The following CMPK1 variants were observed in gnomAD, a reference collection of about 807,000 sequenced individuals.
The protein encoded by CMPK1 is UMP-CMP kinase.
Under a neutral mutation model 25.7 loss-of-function variants are expected in CMPK1, and 10 were observed. That is an observed-to-expected ratio of 0.39 (90% CI 0.24 to 0.66). CMPK1 has a LOEUF of 0.66. Ranked by LOEUF, CMPK1 falls within the 30% of genes least tolerant of loss-of-function variation. CMPK1 has a pLI of 0.48. For missense variants in CMPK1, 199 were observed against 280.5 expected (o/e 0.71, Z 2.08); for synonymous variants, 106 against 101.5 (o/e 1.04, Z -0.27).
intron 1 of CMPK1, among the ~76,000 whole-genome samples, chr1:47,357,029 T>G (rs1397744873): frequency 6.7e-6 from 1 of 149,120 alleles, no homozygotes; most frequent in Non-Finnish European, 1.5e-5. Flanking sequence ...AGTGGCACGA[T>G]CTCGGCTCAC....
rs551067759 is a variant in CMPK1 at position 47,343,754 on chromosome 1, G to A, written c.171+9638G>A. On this transcript the variant is annotated intron_variant, in intron 1 of 5. Transcript: ENST00000371873. ...CATCAAAAGCCCATCCCTGCATGGTGGCGGGCGCCTGTAGTCCAGCTACTC... is the reference window on the plus strand; with the variant it reads ...CATCAAAAGCCCATCCCTGCATGGTAGCGGGCGCCTGTAGTCCAGCTACTC... Among the ~76,000 whole-genome samples the A allele has an allele frequency of 8.5e-5, 13 of 152,090 alleles. No individual in the cohort carries two copies. The South Asian group carries it at 2.7e-3, about 32-fold the overall frequency.
chr1:47,361,890 G>A (rs1215799390), intron 1 of CMPK1, among the ~76,000 whole-genome samples: 1 of 33,418 alleles, frequency 3.0e-5, no homozygotes, highest in African/African-American at 1.4e-4. Context: ...TTTTTTTTTT[G>A]ACGGAGTTTT....
At chr1:47,346,813 C>T (rs1017305297) in intron 1 of CMPK1, among the ~76,000 whole-genome samples, 1 of 129,580 alleles carries the variant, frequency 7.7e-6, no homozygotes, top group Non-Finnish European at 1.6e-5. Flanking sequence ...CGTTTGTTTG[C>T]CTTCCTCTCC....
intron 1 of CMPK1, among the ~76,000 whole-genome samples, chr1:47,348,618 T>C (rs903345711): frequency 6.6e-6 from 1 of 152,174 alleles, no homozygotes; most frequent in Non-Finnish European, 1.5e-5. Context: ...TTTCCATCAG[T>C]CTTCTCCAGA....
In CMPK1 at chr1:47,378,218, C is replaced by G. The variant is rs1218462280; in HGVS notation, c.*1473C>G. 6.6e-6 allele frequency: 1 copy of G among 152,014 alleles called. No individual in the cohort carries two copies. The highest frequency in any genetic ancestry group is 2.4e-5 in the African/African-American group (1 of 41,384). 9.4% of individuals were successfully genotyped at this position (152,014 alleles called of 1,614,324 possible). On this transcript the variant is annotated 3_prime_UTR_variant, in exon 6 of 6. Coordinates refer to ENST00000371873, the MANE Select transcript of CMPK1 (RefSeq NM_016308.3). The stretch of plus-strand genomic sequence containing the variant: ...TTTCAACATACTTGCCATTAGAAAA[C>G]AAAGTATTGCTAAGTACTATAACAT...
chr1:47,354,169 A>G (rs906584834), intron 1 of CMPK1, among the ~76,000 whole-genome samples: 4 of 152,108 alleles, frequency 2.6e-5, no homozygotes, highest in Non-Finnish European at 5.9e-5. Context: ...CAAAAAATAA[A>G]AAAATGAAAA....
intron 1 of CMPK1, among the ~76,000 whole-genome samples, chr1:47,338,691 C>T (rs939572786): frequency 2.0e-5 from 3 of 151,404 alleles, no homozygotes; most frequent in African/African-American, 7.3e-5. Flanking sequence ...TCTGTATCCT[C>T]TAATACTGAA....
chr1:47,366,144 A>G (rs541522188), intron 1 of CMPK1, among the ~76,000 whole-genome samples: 3 of 152,308 alleles, frequency 2.0e-5, no homozygotes, highest in African/African-American at 4.8e-5. Context: ...CAGTGAGCAG[A>G]GATGGTGCTC....
intron 3 of CMPK1, among the ~76,000 whole-genome samples, chr1:47,373,688 T>C (rs1646690754): frequency 6.6e-6 from 1 of 151,620 alleles, no homozygotes; most frequent in Non-Finnish European, 1.5e-5. Flanking sequence ...CCCAGCTACT[T>C]GGGAGGCTGA....
intron 1 of CMPK1, chr1:47,358,479 T>C (rs945719998): frequency 1.4e-5 from 16 of 1,163,274 alleles, no homozygotes; most frequent in African/African-American, 6.6e-5. Context: ...GATATTTTGC[T>C]GTGGCTGTTA....
At chr1:47,352,321 A>G (rs1170856923) in intron 1 of CMPK1, among the ~76,000 whole-genome samples, 1 of 152,158 alleles carries the variant, frequency 6.6e-6, no homozygotes, top group Non-Finnish European at 1.5e-5. Context: ...TTTAAAGTAA[A>G]ATGTTTTAAA....
Position 47,333,865 on chromosome 1 carries a change from T to G in CMPK1, c.-81T>G. ...GGCGGGCGCCGGCTCAGCCCGCCCC[T>G]TTCTCCCGCCGCCTCCCCGCCCCGC... On this transcript the variant is annotated 5_prime_UTR_variant, in exon 1 of 6. Transcript: ENST00000371873. 1.0e-6 allele frequency: 1 copy of G among 990,830 alleles called. No individual in the cohort carries two copies. Among genetic ancestry groups the G allele is most frequent in the Non-Finnish European group, 1.2e-6 (1 of 810,596 alleles). 61.4% of individuals were successfully genotyped at this position (990,830 alleles called of 1,614,324 possible). A position where few individuals can be genotyped will look rare whatever the true frequency, so the allele number is the denominator to read the frequency against.
At chr1:47,364,388 G>T (rs1287047313) in intron 1 of CMPK1, among the ~76,000 whole-genome samples, 1 of 151,902 alleles carries the variant, frequency 6.6e-6, no homozygotes, top group East Asian at 1.9e-4. Context: ...CGCAATCTCA[G>T]CTCACTGCAA....
intron 1 of CMPK1, among the ~76,000 whole-genome samples, chr1:47,361,260 G>A (rs1316297358): frequency 4.6e-5 from 7 of 152,084 alleles, no homozygotes; most frequent in African/African-American, 1.2e-4. Context: ...ATGGTGGTGC[G>A]CACCTGTAAT....
chr1:47,339,701 CTTTTTTTTTTTTT>C (rs71053104), intron 1 of CMPK1, among the ~76,000 whole-genome samples: 2 of 109,956 alleles, frequency 1.8e-5, no homozygotes, highest in African/African-American at 3.4e-5. Flanking sequence ...TCTTCCTTTC[CTTTTTTTTTTTTT>C]TTTTTTTTTT....
chr1:47,369,211 G>C (rs866148763), intron 2 of CMPK1, among the ~76,000 whole-genome samples: 9 of 152,168 alleles, frequency 5.9e-5, no homozygotes, highest in Admixed American at 2.0e-4. Context: ...TCACTATGTT[G>C]TGTAGGCTAG....
At chr1:47,360,615 TATTA>T (rs1210195997) in intron 1 of CMPK1, among the ~76,000 whole-genome samples, 1 of 152,230 alleles carries the variant, frequency 6.6e-6, no homozygotes. Context: ...GAATTACTTT[TATTA>T]ATTAGTAGTG....
At chr1:47,335,403 C>G (rs1260498878) in intron 1 of CMPK1, among the ~76,000 whole-genome samples, 1 of 152,108 alleles carries the variant, frequency 6.6e-6, no homozygotes, top group Non-Finnish European at 1.5e-5. Context: ...CTTTGGGAGG[C>G]CGAGGCTGGC....
intron 1 of CMPK1, among the ~76,000 whole-genome samples, chr1:47,346,239 G>A (rs972867112): frequency 2.6e-4 from 39 of 151,924 alleles, no homozygotes; most frequent in African/African-American, 8.2e-4. Context: ...TAGTAGAGAC[G>A]GGGTTTTACC....
Sources: allele counts gnomAD v4.1 joint callset (sites outside exome capture counted in the v4.1 genomes callset), GRCh38; gene constraint gnomAD v4.1.1; transcripts MANE v1.5; gene names NCBI Gene and HGNC (gene_info 2026-07-23, HGNC 2026-07-21).